U2SURP: variants seen among roughly 807,000 people sequenced by gnomAD.
U2SURP encodes U2 snRNP-associated SURP motif-containing protein.
A neutral mutation model predicts 144.9 loss-of-function variants in U2SURP; 9 were observed. The ratio of observed to expected loss-of-function variants is 0.06; its 90% CI spans 0.04 to 0.11. U2SURP has a LOEUF of 0.11. U2SURP is among the 10% of genes least tolerant of loss of function. The pLI is 1.00. For missense variants in U2SURP, 724 were observed against 1,226.7 expected (o/e 0.59, Z 6.12); for synonymous variants, 408 against 396.8 (o/e 1.03, Z -0.33).
At chr3:143,050,850 T>G in intron 24 of U2SURP, 89 bp from the exon 25 acceptor site, 1 of 828,454 alleles carries the variant, frequency 1.2e-6, no homozygotes, top group Non-Finnish European at 1.9e-6. Flanking sequence ...TACTAATTAG[T>G]TACTACTTTG....
intron 24 of U2SURP, among the ~76,000 whole-genome samples, chr3:143,047,855 CG>C (rs1560204505): frequency 1.1e-5 from 1 of 90,646 alleles, no homozygotes; most frequent in African/African-American, 4.4e-5. Flanking sequence ...ACCTCCCGGA[CG>C]GGGCGGCTGG....
Position 143,011,296 on chromosome 3 carries a change from G to A in U2SURP, c.90+437G>A, listed in dbSNP as rs117495255. On this transcript the variant is annotated intron_variant, in intron 2 of 27. Transcript: ENST00000473835. ...AGTTGTTTGTTATTTCTTTGTTGAT[G>A]GGCATATATTTTTTGTTTAAAGCTT... 4.0e-3 allele frequency among the ~76,000 whole-genome samples: 605 copies of A among 152,072 alleles called. 13 individuals are homozygous for A. The East Asian group carries it at 0.064, about 16-fold the overall frequency.
chr3:143,023,822 G>A (rs985319053), intron 12 of U2SURP, among the ~76,000 whole-genome samples, 153 bp from the exon 13 acceptor site: 1 of 152,116 alleles, frequency 6.6e-6, no homozygotes, highest in Non-Finnish European at 1.5e-5. Flanking sequence ...TTATGTAATT[G>A]CTTAGTGTAT....
intron 25 of U2SURP, among the ~76,000 whole-genome samples, chr3:143,052,510 T>C (rs796664267): frequency 6.6e-6 from 1 of 152,250 alleles, no homozygotes; most frequent in Non-Finnish European, 1.5e-5. Context: ...GTTACCACTT[T>C]AGTCTCCTTT....
intron 2 of U2SURP, 146 bp from the exon 3 acceptor site, chr3:143,012,076 A>T: frequency 2.8e-6 from 3 of 1,078,316 alleles, no homozygotes; most frequent in Non-Finnish European, 4.1e-6. Context: ...TTTTTGGTGA[A>T]ATCAATGGTG....
intron 10 of U2SURP, 135 bp downstream of exon 10, chr3:143,021,690 G>A: frequency 1.2e-6 from 1 of 800,224 alleles, no homozygotes. Flanking sequence ...TGTCTTACTG[G>A]TATGGCCCAG....
At chr3:143,046,115 A>G (rs541111035) in intron 24 of U2SURP, among the ~76,000 whole-genome samples, 2 of 152,022 alleles carry the variant, frequency 1.3e-5, no homozygotes, top group South Asian at 2.1e-4. Flanking sequence ...TTGCATCCCC[A>G]CGTGTGTCCT....
In U2SURP at chr3:143,022,633, A is replaced by C; in HGVS notation, c.989A>C (p.Asp330Ala). The C allele has an allele frequency of 6.2e-7, 1 of 1,612,342 alleles. No homozygotes were observed. Among genetic ancestry groups the C allele is most frequent in the Non-Finnish European group, 8.5e-7 (1 of 1,179,452 alleles). Residue 330 changes from aspartate (D) to alanine (A), a missense_variant, in exon 11 of 28, where the codon GAT becomes GCT. Around this residue, in one of 13 missense-constraint regions of U2SURP, gnomAD observed 16 missense variants for 18.0 expected, o/e 0.89. Transcript: ENST00000473835. ...TTTGTGGCCTTTATGAATAGAAGAG[A>C]TGCTGAAAGAGCTTTAAAAAATTTG... ...CGFVAFMNRR[D>A]AERALKNLNG...
intron 2 of U2SURP, 62 bp from the exon 3 acceptor site, chr3:143,012,160 T>A: frequency 3.8e-6 from 6 of 1,562,004 alleles, no homozygotes; most frequent in Non-Finnish European, 5.2e-6. Flanking sequence ...TTCCTAGTTT[T>A]CAGTGCTATA....
In U2SURP at chr3:143,025,577, T is replaced by C. The variant is rs114522225; in HGVS notation, c.1274+1559T>C. Reference sequence around the variant, plus strand: ...GAATCATAACTTTACATTATCGCCCTTCCTTCAAAATAATGTCATTAACCA... The same window carrying C: ...GAATCATAACTTTACATTATCGCCCCTCCTTCAAAATAATGTCATTAACCA... On this transcript the variant is annotated intron_variant, in intron 13 of 27. Transcript: ENST00000473835. Among the ~76,000 whole-genome samples the C allele has an allele frequency of 6.5e-3, 984 of 152,272 alleles. 9 individuals carry two copies. The highest frequency in any genetic ancestry group is 0.022 in the African/African-American group (932 of 41,580).
chr3:143,049,807 A>G (rs1397572676), intron 24 of U2SURP, among the ~76,000 whole-genome samples: 1 of 152,198 alleles, frequency 6.6e-6, no homozygotes. Context: ...AGATACTTAT[A>G]TCTCCAGAAT....
rs761165684 is a variant in U2SURP, at chr3:143,036,122, G to C, written c.2064+18G>C. 37 of 1,576,762 alleles carry C rather than the reference G, an allele frequency of 2.3e-5. No individual in the cohort carries two copies. In the Admixed American group the frequency reaches 7.3e-4, roughly 31 times the overall value. Reference sequence around the variant, plus strand: ...AAACAGAGGTAGGCAGTCTGTATTTGTCTGGTTGTTTTTAAAATTCGTTTC... The same window carrying C: ...AAACAGAGGTAGGCAGTCTGTATTTCTCTGGTTGTTTTTAAAATTCGTTTC... On this transcript the variant is annotated intron_variant, in intron 20 of 27. Coordinates refer to ENST00000473835, the MANE Select transcript of U2SURP (RefSeq NM_001080415.2).
intron 25 of U2SURP, 59 bp from the exon 26 acceptor site, chr3:143,053,617 T>G (rs1180897562): frequency 5.4e-5 from 56 of 1,028,480 alleles, no homozygotes; most frequent in Middle Eastern, 2.3e-4. Flanking sequence ...GTTCTATAAA[T>G]GAGATTAACC....
chr3:143,055,051 T>C lies in U2SURP; in HGVS notation c.2883T>C (p.His961=), dbSNP rs1935073363. ...GATCAGAGCGTTCAGAAAGATCTCA[T>C]AAAGAGAGCTCACGGTCCAGGTCAT... ...SERSERSERS[H]KESSRSRSSH... The change falls in exon 27 of 28, where the codon CAT becomes CAC. Residue 961 remains histidine (H), a synonymous_variant. Transcript: ENST00000473835. The C allele has an allele frequency of 6.2e-7, 1 of 1,608,124 alleles. No homozygotes were observed. The highest frequency in any genetic ancestry group is 1.1e-5 in the South Asian group (1 of 89,500).
chr3:143,017,135 A>G (rs1936411392), intron 6 of U2SURP, 160 bp downstream of exon 6: 4 of 537,800 alleles, frequency 7.4e-6, no homozygotes, highest in African/African-American at 2.0e-5. Context: ...TACTTAGATG[A>G]GAGTTAATGA....
intron 6 of U2SURP, among the ~76,000 whole-genome samples, chr3:143,018,724 G>A (rs1045776630): frequency 6.6e-6 from 1 of 152,092 alleles, no homozygotes; most frequent in Non-Finnish European, 1.5e-5. Context: ...CTAACACTTT[G>A]AGACCAGCCT....
intron 24 of U2SURP, among the ~76,000 whole-genome samples, chr3:143,050,590 A>G (rs1934805545): frequency 6.6e-6 from 1 of 152,170 alleles, no homozygotes; most frequent in Admixed American, 6.5e-5. Context: ...TTTAATCTGC[A>G]TTCTGACTGT....
At chr3:143,012,154 T>C in intron 2 of U2SURP, 68 bp from the exon 3 acceptor site, 6 of 1,545,630 alleles carry the variant, frequency 3.9e-6, no homozygotes, top group Non-Finnish European at 5.3e-6. Flanking sequence ...GGCTTATTCC[T>C]AGTTTTCAGT....
intron 18 of U2SURP, among the ~76,000 whole-genome samples, chr3:143,033,682 G>A (rs1381117001): frequency 3.3e-5 from 5 of 152,134 alleles, no homozygotes; most frequent in African/African-American, 1.2e-4. Context: ...TAGGTTACAG[G>A]TGAATATTAT....
Sources: gnomAD v4.1 joint callset for allele counts (sites outside exome capture counted in the v4.1 genomes callset) on GRCh38, gnomAD v4.1.1 for gene constraint, gnomAD v4.1.1 regional missense constraint, MANE v1.5 for transcripts, NCBI Gene and HGNC (gene_info 2026-07-23, HGNC 2026-07-21) for gene names.